SORCS3: variants seen among roughly 807,000 people sequenced by gnomAD.
SORCS3 encodes sortilin related VPS10 domain containing receptor 3.
Under a neutral mutation model 146.3 loss-of-function variants are expected in SORCS3, and 57 were observed. The observed-to-expected ratio is 0.39, with a 90% CI of 0.31 to 0.49. The LOEUF is 0.49. Ranked by LOEUF, SORCS3 falls within the 20% of genes least tolerant of loss-of-function variation. SORCS3 has a pLI of 0.92. For missense variants in SORCS3, 1,341 were observed against 1,575.5 expected, an observed-to-expected ratio of 0.85 and a Z score of 2.52; for synonymous variants, 653 against 618.5, an observed-to-expected ratio of 1.06 and a Z score of -0.83.
chr10:104,880,076 T>C (rs2018616390), intron 2 of SORCS3, among the ~76,000 whole-genome samples: 2 of 152,198 alleles, frequency 1.3e-5, no homozygotes, highest in Admixed American at 6.5e-5. Flanking sequence ...TAAATAACCA[T>C]GTACCACCTG....
At chr10:105,209,691 C>T (rs1241361148) in intron 16 of SORCS3, among the ~76,000 whole-genome samples, 1 of 151,838 alleles carries the variant, frequency 6.6e-6, no homozygotes, top group Non-Finnish European at 1.5e-5. Flanking sequence ...TAGGAAACTA[C>T]CAAACATAGA....
intron 4 of SORCS3, among the ~76,000 whole-genome samples, chr10:105,015,621 A>C (rs1181208947): frequency 6.6e-6 from 1 of 152,192 alleles, no homozygotes; most frequent in Non-Finnish European, 1.5e-5. Flanking sequence ...TTTTAAAAGC[A>C]AAGAGACGAT....
chr10:104,973,248 T>G (rs2054872346), intron 3 of SORCS3, among the ~76,000 whole-genome samples: 1 of 152,010 alleles, frequency 6.6e-6, no homozygotes, highest in Admixed American at 6.6e-5. Flanking sequence ...TTCTATTGAT[T>G]GGAATAGTTT....
intron 4 of SORCS3, among the ~76,000 whole-genome samples, chr10:105,014,215 G>T (rs944295013): frequency 2.0e-5 from 3 of 151,062 alleles, no homozygotes; most frequent in Non-Finnish European, 4.4e-5. Flanking sequence ...GGGACAATTG[G>T]GTATTCATAG....
At chr10:104,673,268 A>AT (rs1208327255) in intron 1 of SORCS3, among the ~76,000 whole-genome samples, 1 of 152,170 alleles carries the variant, frequency 6.6e-6, no homozygotes, top group Non-Finnish European at 1.5e-5. Context: ...AATTACTGAT[A>AT]AGGAGGTACT....
intron 1 of SORCS3, among the ~76,000 whole-genome samples, chr10:104,779,197 G>A (rs2017345187): frequency 1.3e-5 from 2 of 152,212 alleles, no homozygotes; most frequent in South Asian, 2.1e-4. Flanking sequence ...ACATCTCGAT[G>A]TTAGTTCTCT....
At chr10:105,050,439 T>A (rs1456934821) in intron 5 of SORCS3, among the ~76,000 whole-genome samples, 2 of 152,136 alleles carry the variant, frequency 1.3e-5, no homozygotes, top group Admixed American at 6.6e-5. Context: ...TGTCAAGGAA[T>A]GGAGGGAGAT....
At chr10:104,799,547 G>T (rs1423623477) in intron 1 of SORCS3, among the ~76,000 whole-genome samples, 1 of 151,740 alleles carries the variant, frequency 6.6e-6, no homozygotes, top group Non-Finnish European at 1.5e-5. Flanking sequence ...CCTGTTGGGG[G>T]TTGGGGGGCT....
intron 1 of SORCS3, among the ~76,000 whole-genome samples, chr10:104,832,201 C>G (rs147850517): frequency 0.013 from 1,950 of 152,262 alleles, 30 homozygotes; most frequent in African/African-American, 0.035. Flanking sequence ...TACTTCAGGA[C>G]TTGAAGACAA....
intron 20 of SORCS3, among the ~76,000 whole-genome samples, chr10:105,233,102 C>T (rs1203205522): frequency 2.0e-5 from 3 of 150,908 alleles, no homozygotes; most frequent in Non-Finnish European, 4.4e-5. Flanking sequence ...TTTTGTATAT[C>T]ACTCATACTT....
intron 14 of SORCS3, among the ~76,000 whole-genome samples, chr10:105,182,863 C>T (rs145978882): frequency 2.2e-4 from 34 of 152,096 alleles, no homozygotes; most frequent in Middle Eastern, 3.4e-3. Context: ...CTACCATTCC[C>T]GGCTAATTTT....
At chr10:105,064,673 A>G (rs1358895260) in intron 5 of SORCS3, among the ~76,000 whole-genome samples, 2 of 144,596 alleles carry the variant, frequency 1.4e-5, no homozygotes, top group African/African-American at 4.9e-5. Flanking sequence ...TGGGAGAAGA[A>G]GGGTATCTCA....
In SORCS3 at chr10:104,736,483, G is replaced by A; in HGVS notation, c.627+94529G>A. Reference sequence around the variant, plus strand: ...ATGAGGGCTGGGTTTTTGACTGTAAGTGACACTTCATTCTGTCAAGATTTA... The same window carrying A: ...ATGAGGGCTGGGTTTTTGACTGTAAATGACACTTCATTCTGTCAAGATTTA... On this transcript the variant is annotated intron_variant, in intron 1 of 26. Transcript: ENST00000369701. 1.3e-5 allele frequency among the ~76,000 whole-genome samples: 2 copies of A among 152,154 alleles called. 1 individual carries two copies. Among genetic ancestry groups the A allele is most frequent in the Admixed American group, 1.3e-4 (2 of 15,272 alleles).
chr10:104,946,502 A>G (rs2019372550), intron 3 of SORCS3, among the ~76,000 whole-genome samples: 1 of 152,178 alleles, frequency 6.6e-6, no homozygotes. Context: ...ACTTTGTCGT[A>G]GTCAGACCAT....
At chr10:105,152,439 T>TA (rs2056174266) in intron 9 of SORCS3, among the ~76,000 whole-genome samples, 2 of 152,228 alleles carry the variant, frequency 1.3e-5, no homozygotes, top group Non-Finnish European at 2.9e-5. Context: ...TTTTCCATAC[T>TA]AATTTTCATA....
In SORCS3 at chr10:104,740,006, C is replaced by G. The variant is rs1565414; in HGVS notation, c.627+98052C>G. Among the ~76,000 whole-genome samples the G allele has an allele frequency of 9.0e-4, 137 of 152,190 alleles. 4 individuals carry two copies. In the South Asian group the frequency reaches 0.028, roughly 31 times the overall value. The stretch of plus-strand genomic sequence containing the variant: ...AATGGTGAACAGGAAAGACCTGGAC[C>G]ACAAAATATTAGCTGGTCTTTCCTT... On this transcript the variant is annotated intron_variant, in intron 1 of 26. Transcript: ENST00000369701.
At chr10:105,209,114 G>A (rs1265253223) in intron 16 of SORCS3, among the ~76,000 whole-genome samples, 1 of 152,106 alleles carries the variant, frequency 6.6e-6, no homozygotes, top group African/African-American at 2.4e-5. Flanking sequence ...AGAGATAGAT[G>A]TAATGCAATC....
intron 6 of SORCS3, among the ~76,000 whole-genome samples, chr10:105,094,983 A>G (rs184914681): frequency 6.6e-6 from 1 of 152,340 alleles, no homozygotes; most frequent in East Asian, 1.9e-4. Flanking sequence ...CAAGCCATCT[A>G]TGGCCATCCT....
chr10:104,724,072 A>C (rs1195137532), intron 1 of SORCS3, among the ~76,000 whole-genome samples: 1 of 152,046 alleles, frequency 6.6e-6, no homozygotes, highest in Non-Finnish European at 1.5e-5. Context: ...TCCTAGCCTC[A>C]ATGGTCTTTA....
Sources: gnomAD v4.1 joint callset for allele counts (sites outside exome capture counted in the v4.1 genomes callset) on GRCh38, gnomAD v4.1.1 for gene constraint, MANE v1.5 for transcripts, NCBI Gene and HGNC (gene_info 2026-07-23, HGNC 2026-07-21) for gene names.